Variants in GPC5 observed in about 807,000 individuals in gnomAD.
The protein encoded by GPC5 is glypican-5.
Under a neutral mutation model 53.9 loss-of-function variants are expected in GPC5, and 47 were observed. The ratio of observed to expected loss-of-function variants is 0.87; its 90% CI spans 0.69 to 1.11. The LOEUF is 1.11. Ranked by LOEUF, GPC5 falls within the 50% of genes most tolerant of loss-of-function variation. The pLI, the probability that GPC5 is intolerant of heterozygous loss-of-function variation, is 0.00. For synonymous variants in GPC5, 286 were observed against 263.3 expected (o/e 1.09, Z -0.84); for missense variants, 748 against 713.1 (o/e 1.05, Z -0.56).
chr13:92,263,623 T>C (rs2139144560), intron 7 of GPC5, among the ~76,000 whole-genome samples: 1 of 152,286 alleles, frequency 6.6e-6, no homozygotes, highest in East Asian at 1.9e-4. Context: ...AGTCAGATAA[T>C]CCTTCAAATA....
intron 5 of GPC5, among the ~76,000 whole-genome samples, chr13:91,789,946 A>T (rs980838122): frequency 1.3e-5 from 2 of 152,128 alleles, no homozygotes; most frequent in Non-Finnish European, 2.9e-5. Context: ...ACAAGATACA[A>T]CCTGACTTTA....
At chr13:91,600,820 C>T (rs1335387008) in intron 2 of GPC5, among the ~76,000 whole-genome samples, 1 of 151,962 alleles carries the variant, frequency 6.6e-6, no homozygotes, top group Non-Finnish European at 1.5e-5. Flanking sequence ...ATTACAGAAT[C>T]GATTTAATGT....
At position 91,752,151 on chromosome 13, in the gene GPC5, G is replaced by A. The variant is rs115620057; in HGVS notation, c.1155-4144G>A. Reference sequence around the variant, plus strand: ...TCTTCGTCTTCTTATAAGGACACCAGTCATATTGGATTAGCATCTACCCAT... The same window carrying A: ...TCTTCGTCTTCTTATAAGGACACCAATCATATTGGATTAGCATCTACCCAT... On this transcript the variant is annotated intron_variant, in intron 4 of 7. Transcript: ENST00000377067. Among the ~76,000 whole-genome samples, 1,221 of 152,218 alleles carry A rather than the reference G, an allele frequency of 8.0e-3. 17 individuals are homozygous for A. The highest frequency in any genetic ancestry group is 0.028 in the African/African-American group (1,168 of 41,520).
intron 5 of GPC5, among the ~76,000 whole-genome samples, chr13:91,816,587 T>C (rs1012089648): frequency 1.3e-5 from 2 of 152,172 alleles, no homozygotes; most frequent in African/African-American, 4.8e-5. Flanking sequence ...TGGATCATAT[T>C]TTATTACAAT....
At chr13:92,190,729 G>T (rs186850571) in intron 7 of GPC5, among the ~76,000 whole-genome samples, 1 of 151,904 alleles carries the variant, frequency 6.6e-6, no homozygotes, top group Non-Finnish European at 1.5e-5. Flanking sequence ...AAGTATAATC[G>T]ATAAGCTAAG....
intron 2 of GPC5, among the ~76,000 whole-genome samples, chr13:91,487,194 A>G (rs648167): frequency 1 from 152,156 of 152,198 alleles, 76,057 homozygotes; most frequent in Middle Eastern, 1. Context: ...AGATGGGGGG[A>G]AGTCACGGGT....
At chr13:92,398,812 T>C (rs182199783) in intron 7 of GPC5, among the ~76,000 whole-genome samples, 35 of 152,302 alleles carry the variant, frequency 2.3e-4, no homozygotes, top group Admixed American at 2.2e-3. Flanking sequence ...AAAACTCAAA[T>C]ATTTTGCTTC....
rs1594100477 is a variant in GPC5, at chr13:92,323,800, C to G, written c.1561+178811C>G. On this transcript the variant is annotated intron_variant, in intron 7 of 7. Transcript: ENST00000377067. ...TCATATTTCTCATATACAAAATGTA[C>G]TTAAAATATAATTCATAGATAAATA... 2.6e-5 allele frequency among the ~76,000 whole-genome samples: 4 copies of G among 151,654 alleles called. No homozygotes were observed. The East Asian group carries it at 7.7e-4, about 29-fold the overall frequency.
At chr13:92,397,992 C>A (rs1875363622) in intron 7 of GPC5, among the ~76,000 whole-genome samples, 1 of 152,104 alleles carries the variant, frequency 6.6e-6, no homozygotes, top group African/African-American at 2.4e-5. Context: ...TTGTTCAGGG[C>A]AGAGTGAGGA....
At chr13:92,589,931 C>A (rs77867525) in intron 7 of GPC5, among the ~76,000 whole-genome samples, 1 of 152,144 alleles carries the variant, frequency 6.6e-6, no homozygotes. Flanking sequence ...GCTTGTTGTT[C>A]GGGCTGTGTG....
chr13:91,446,663 G>C (rs539881397), intron 1 of GPC5, among the ~76,000 whole-genome samples: 3 of 152,196 alleles, frequency 2.0e-5, no homozygotes, highest in Admixed American at 6.5e-5. Context: ...TATGCCCTTT[G>C]TGCTGATACT....
chr13:92,661,225 G>A (rs1886330437), intron 7 of GPC5, among the ~76,000 whole-genome samples: 1 of 151,740 alleles, frequency 6.6e-6, no homozygotes, highest in Non-Finnish European at 1.5e-5. Flanking sequence ...AGTCCAAGAG[G>A]TAATGTCTGC....
At chr13:91,478,881 T>TTATATATATATATATATATATA (rs71113743) in intron 2 of GPC5, among the ~76,000 whole-genome samples, 36 of 67,496 alleles carry the variant, frequency 5.3e-4, no homozygotes, top group East Asian at 7.9e-4. Flanking sequence ...TATATACACA[T>TTATATATATATATATATATATA]TATATATATA....
At chr13:92,380,293 C>T (rs2043728399) in intron 7 of GPC5, among the ~76,000 whole-genome samples, 1 of 152,088 alleles carries the variant, frequency 6.6e-6, no homozygotes, top group South Asian at 2.1e-4. Flanking sequence ...CCTCTCCATC[C>T]CCAAATAATC....
intron 7 of GPC5, among the ~76,000 whole-genome samples, chr13:92,521,916 C>G (rs1010842468): frequency 6.6e-6 from 1 of 151,892 alleles, no homozygotes; most frequent in Non-Finnish European, 1.5e-5. Context: ...ACAAAGAACT[C>G]AAACAAATTT....
At chr13:91,591,210 A>G (rs2032785229) in intron 2 of GPC5, among the ~76,000 whole-genome samples, 1 of 152,106 alleles carries the variant, frequency 6.6e-6, no homozygotes. Flanking sequence ...TTGAGAACAA[A>G]TCTTCCACCA....
chr13:91,744,187 T>A (rs2036998314), intron 4 of GPC5, among the ~76,000 whole-genome samples: 1 of 152,138 alleles, frequency 6.6e-6, no homozygotes, highest in Non-Finnish European at 1.5e-5. Flanking sequence ...TGCATAACCT[T>A]AATCCTTATC....
chr13:91,904,114 T>A (rs1402009058), intron 5 of GPC5, among the ~76,000 whole-genome samples: 1 of 151,246 alleles, frequency 6.6e-6, no homozygotes, highest in Non-Finnish European at 1.5e-5. Flanking sequence ...TTGTTTTGTT[T>A]TGCTTAGTTT....
intron 7 of GPC5, among the ~76,000 whole-genome samples, chr13:92,775,967 C>T (rs1875789266): frequency 6.6e-6 from 1 of 152,216 alleles, no homozygotes; most frequent in Non-Finnish European, 1.5e-5. Flanking sequence ...TAGAGAAATA[C>T]AAGCCTTGCC....
Sources: gnomAD v4.1 joint callset for allele counts (sites outside exome capture counted in the v4.1 genomes callset) on GRCh38, gnomAD v4.1.1 for gene constraint, MANE v1.5 for transcripts, NCBI Gene and HGNC (gene_info 2026-07-23, HGNC 2026-07-21) for gene names.